The following GPHN variants were observed in gnomAD, a reference collection of about 807,000 sequenced individuals.
GPHN encodes gephyrin.
GPHN carries 17 observed loss-of-function variants against 95.5 expected under a neutral mutation model. That is an observed-to-expected ratio of 0.18 (90% CI 0.12 to 0.27). The LOEUF (loss-of-function observed/expected upper bound fraction) is 0.27. Ranked by LOEUF, GPHN falls within the 10% of genes least tolerant of loss-of-function variation. GPHN has a pLI of 1.00. For missense variants in GPHN, 660 were observed against 978.1 expected (o/e 0.67, Z 4.34); for synonymous variants, 320 against 322.5 (o/e 0.99, Z 0.08).
the GPHN span, among the ~76,000 whole-genome samples, chr14:67,596,886 C>T: frequency 1.3e-5 from 2 of 152,234 alleles, no homozygotes; most frequent in African/African-American, 4.8e-5. Flanking sequence ...ATTTGGAAGT[C>T]TATACTGAAG....
At chr14:67,435,804 G>C in the GPHN span, among the ~76,000 whole-genome samples, 2 of 152,186 alleles carry the variant, frequency 1.3e-5, no homozygotes, top group Admixed American at 1.3e-4. Context: ...GCATCACCCC[G>C]CTGTGTCCTT....
At chr14:67,244,384 G>A in the GPHN span, among the ~76,000 whole-genome samples, 2 of 152,140 alleles carry the variant, frequency 1.3e-5, no homozygotes, top group South Asian at 2.1e-4. Context: ...ATGAGTGACA[G>A]TGGCTTCACA....
intron 4 of GPHN, among the ~76,000 whole-genome samples, chr14:66,836,877 A>C (rs893181591): frequency 0.012 from 1,806 of 151,874 alleles, 17 homozygotes; most frequent in Non-Finnish European, 0.018. Context: ...AGAAATGCAA[A>C]TCAAAACCAC....
intron 12 of GPHN, among the ~76,000 whole-genome samples, chr14:67,096,262 T>G (rs1392768057): frequency 6.6e-6 from 1 of 152,184 alleles, no homozygotes; most frequent in East Asian, 1.9e-4. Context: ...TGGTATACTT[T>G]CCCTGATAAC....
At chr14:67,329,614 T>C in the GPHN span, among the ~76,000 whole-genome samples, 1 of 152,092 alleles carries the variant, frequency 6.6e-6, no homozygotes, top group Non-Finnish European at 1.5e-5. Context: ...GGCTGTGGGT[T>C]TGTCATAAAT....
the GPHN span, chr14:67,662,984 G>A: frequency 7.3e-7 from 1 of 1,362,124 alleles, no homozygotes; most frequent in African/African-American, 1.5e-5. Flanking sequence ...CCACTTCTAT[G>A]TTAACTCGTA....
chr14:66,561,734 G>A (rs922011635), intron 1 of GPHN, among the ~76,000 whole-genome samples: 7 of 152,008 alleles, frequency 4.6e-5, no homozygotes, highest in Non-Finnish European at 1.0e-4. Context: ...GTTTTCTATT[G>A]TTATACAAAA....
chr14:66,606,249 G>A (rs1204081634), intron 1 of GPHN, among the ~76,000 whole-genome samples: 2 of 152,146 alleles, frequency 1.3e-5, no homozygotes, highest in Admixed American at 6.5e-5. Context: ...TGAACAGGGA[G>A]TCCTTTCCTC....
chr14:67,124,911 G>C (rs2079211692), intron 17 of GPHN, among the ~76,000 whole-genome samples: 4 of 151,636 alleles, frequency 2.6e-5, no homozygotes. Flanking sequence ...CAACATGTTG[G>C]TATGCTGATA....
chr14:66,686,915 G>A (rs920446299), intron 2 of GPHN, among the ~76,000 whole-genome samples: 1 of 152,096 alleles, frequency 6.6e-6, no homozygotes, highest in Non-Finnish European at 1.5e-5. Flanking sequence ...ATTGTTTTGA[G>A]ATACGTCCCA....
intron 4 of GPHN, among the ~76,000 whole-genome samples, chr14:66,866,021 A>G (rs970626555): frequency 6.6e-6 from 1 of 152,088 alleles, no homozygotes; most frequent in African/African-American, 2.4e-5. Flanking sequence ...ATTTCTACCC[A>G]TTCTGACCAG....
At chr14:67,018,919 G>T (rs932828845) in intron 9 of GPHN, among the ~76,000 whole-genome samples, 1 of 152,126 alleles carries the variant, frequency 6.6e-6, no homozygotes, top group African/African-American at 2.4e-5. Context: ...AGATATTCTG[G>T]CCTGCTAAGA....
intron 4 of GPHN, among the ~76,000 whole-genome samples, chr14:66,848,472 A>G (rs1284083923): frequency 1.3e-5 from 2 of 152,148 alleles, no homozygotes; most frequent in Non-Finnish European, 2.9e-5. Flanking sequence ...GTTAGTAACT[A>G]CATGGTAAGG....
At chr14:66,716,716 A>G (rs1170309420) in intron 2 of GPHN, among the ~76,000 whole-genome samples, 1 of 152,160 alleles carries the variant, frequency 6.6e-6, no homozygotes, top group Non-Finnish European at 1.5e-5. Context: ...GTGGCTTGGT[A>G]GTGACGAATT....
intron 2 of GPHN, among the ~76,000 whole-genome samples, chr14:66,767,606 G>A (rs2059012324): frequency 6.6e-6 from 1 of 151,810 alleles, no homozygotes; most frequent in South Asian, 2.1e-4. Context: ...AAGCTTAGGG[G>A]GAAAATGGAA....
intron 3 of GPHN, among the ~76,000 whole-genome samples, chr14:66,818,304 C>G (rs1008452083): frequency 3.9e-5 from 6 of 152,042 alleles, no homozygotes; most frequent in Non-Finnish European, 7.4e-5. Context: ...GTTGTTCCCC[C>G]ATGTGTTCTC....
intron 5 of GPHN, among the ~76,000 whole-genome samples, chr14:66,897,581 AC>A (rs1053455661): frequency 3.9e-5 from 6 of 152,122 alleles, no homozygotes; most frequent in Non-Finnish European, 7.4e-5. Context: ...TTAGAACCAT[AC>A]AGTATGTAGC....
intron 1 of GPHN, among the ~76,000 whole-genome samples, chr14:66,605,206 G>A (rs1172737009): frequency 4.0e-5 from 6 of 151,822 alleles, no homozygotes; most frequent in Non-Finnish European, 5.9e-5. Flanking sequence ...TTGCCTTTGG[G>A]TATATACCCA....
At chr14:66,811,670 T>C (rs1434496946) in intron 3 of GPHN, among the ~76,000 whole-genome samples, 3 of 152,192 alleles carry the variant, frequency 2.0e-5, no homozygotes, top group Non-Finnish European at 1.5e-5. Flanking sequence ...TAATTAAATC[T>C]CTTACATATA....
Sources: allele counts gnomAD v4.1 joint callset (sites outside exome capture counted in the v4.1 genomes callset), GRCh38; gene constraint gnomAD v4.1.1; transcripts MANE v1.5; gene names NCBI Gene and HGNC (gene_info 2026-07-23, HGNC 2026-07-21).